VWA3B: variants seen among roughly 807,000 people sequenced by gnomAD.
The protein encoded by VWA3B is von Willebrand factor A domain containing 3B, also known as von Willebrand factor A domain-containing protein 3B.
In VWA3B, 138 loss-of-function variants were observed where a neutral mutation model predicts 158.3. The observed-to-expected ratio is 0.87, with a 90% confidence interval of 0.76 to 1.00. The LOEUF (loss-of-function observed/expected upper bound fraction) is 1.00, where lower values mean the gene tolerates loss of function less well. VWA3B is among the 50% of genes least tolerant of loss of function. VWA3B has a pLI of 0.00. For missense variants in VWA3B, 1,555 were observed against 1,565.1 expected, an observed-to-expected ratio of 0.99 and a Z score of 0.11; for synonymous variants, 596 against 587.3, an observed-to-expected ratio of 1.01 and a Z score of -0.21.
the VWA3B span, among the ~76,000 whole-genome samples, chr2:98,323,326 G>T: frequency 1.3e-5 from 2 of 151,810 alleles, no homozygotes; most frequent in African/African-American, 4.8e-5. Flanking sequence ...AAATGGAAAA[G>T]GCAGAAGAAT....
rs574018882 is a variant in VWA3B at position 98,178,140 on chromosome 2, G to A, written c.1115-2876G>A. Among the ~76,000 whole-genome samples the A allele has an allele frequency of 6.6e-5, 10 of 152,300 alleles. No individual in the cohort carries two copies. The South Asian group carries it at 2.1e-3, about 32-fold the overall frequency. ...CATCCTCTTTTTGCTGCTTCTTTGT[G>A]ATGGGAGAGAGTGTGCAGGCGAACC... On this transcript the variant is annotated intron_variant, in intron 8 of 27. Coordinates refer to ENST00000477737, the MANE Select transcript of VWA3B (RefSeq NM_144992.5).
chr2:98,145,150 C>T (rs1293872040), intron 7 of VWA3B, among the ~76,000 whole-genome samples: 1 of 152,196 alleles, frequency 6.6e-6, no homozygotes, highest in Non-Finnish European at 1.5e-5. Context: ...GGTCGATTTT[C>T]CCTGGCCTAC....
chr2:98,150,352 C>T (rs1169557010), intron 7 of VWA3B, among the ~76,000 whole-genome samples: 3 of 152,314 alleles, frequency 2.0e-5, no homozygotes, highest in African/African-American at 7.2e-5. Context: ...ACAACGTGAG[C>T]CGCTTAGGTG....
chr2:98,108,413 G>C (rs537623417), intron 2 of VWA3B, among the ~76,000 whole-genome samples: 1 of 152,208 alleles, frequency 6.6e-6, no homozygotes, highest in African/African-American at 2.4e-5. Context: ...TGATTTTCTT[G>C]TTCTTGTTCT....
intron 19 of VWA3B, among the ~76,000 whole-genome samples, chr2:98,245,061 CA>C (rs1373959420): frequency 6.6e-6 from 1 of 152,112 alleles, no homozygotes; most frequent in Non-Finnish European, 1.5e-5. Flanking sequence ...TTATTCATAT[CA>C]ATTTGATAAG....
intron 21 of VWA3B, among the ~76,000 whole-genome samples, chr2:98,260,319 A>T (rs1026968629): frequency 6.6e-6 from 1 of 151,672 alleles, no homozygotes; most frequent in African/African-American, 2.4e-5. Flanking sequence ...TGAGGCGTTG[A>T]AGTCTCCAAC....
At chr2:98,287,847 T>C (rs192633853) in intron 22 of VWA3B, among the ~76,000 whole-genome samples, 1 of 152,322 alleles carries the variant, frequency 6.6e-6, no homozygotes. Context: ...GTTCTTCCAA[T>C]TGGATACATT....
Position 98,128,444 on chromosome 2 carries a change from G to A in VWA3B, c.872+36G>A, listed in dbSNP as rs141481480. ...AATGTGCTCTTGAGTGACAGCAAGC[G>A]GGTTGCCTGCTCACACAGGATCAAC... is the stretch of plus-strand genomic sequence containing the variant. On this transcript the variant is annotated intron_variant, in intron 6 of 27. Transcript: ENST00000477737. 20 of 1,602,328 alleles carry A rather than the reference G, an allele frequency of 1.2e-5. 1 individual carries two copies. The highest frequency in any genetic ancestry group is 1.2e-4 in the South Asian group (11 of 90,528).
intron 22 of VWA3B, among the ~76,000 whole-genome samples, chr2:98,289,247 C>A (rs1689347780): frequency 6.6e-6 from 1 of 152,104 alleles, no homozygotes; most frequent in African/African-American, 2.4e-5. Flanking sequence ...GCATATATTT[C>A]CAAGATTTCT....
downstream of VWA3B, among the ~76,000 whole-genome samples, chr2:98,317,593 C>T (rs1356107348): frequency 6.6e-6 from 1 of 152,206 alleles, no homozygotes; most frequent in Admixed American, 6.5e-5. Flanking sequence ...CATTCCCTTC[C>T]CTTGATAATA....
chr2:98,115,835 T>G (rs1369304900), intron 3 of VWA3B, 89 bp downstream of exon 3: 8 of 1,088,872 alleles, frequency 7.3e-6, no homozygotes, highest in Admixed American at 1.9e-5. Flanking sequence ...CTTGTGCTGC[T>G]TGGCAGGGAT....
the VWA3B span, among the ~76,000 whole-genome samples, chr2:98,329,822 T>G: frequency 6.6e-6 from 1 of 152,314 alleles, no homozygotes; most frequent in South Asian, 2.1e-4. Context: ...GTGTCCTTTA[T>G]GAAGAAGAAA....
At chr2:98,194,784 T>C (rs943173386) in intron 12 of VWA3B, among the ~76,000 whole-genome samples, 1 of 151,560 alleles carries the variant, frequency 6.6e-6, no homozygotes, top group African/African-American at 2.4e-5. Flanking sequence ...AAAACAGAGT[T>C]TTTTTTTTGT....
intron 7 of VWA3B, among the ~76,000 whole-genome samples, chr2:98,135,374 C>T (rs1347901490): frequency 2.5e-5 from 3 of 120,728 alleles, no homozygotes; most frequent in Non-Finnish European, 3.2e-5. Flanking sequence ...CTCGCTCTGT[C>T]GCCCAGGCTG....
chr2:98,094,875 C>T (rs298914), intron 2 of VWA3B, among the ~76,000 whole-genome samples: 93,189 of 152,080 alleles, frequency 0.61, 31,192 homozygotes, highest in African/African-American at 0.89. Context: ...ATTGAAGAGA[C>T]TGTCCTTTCC....
At position 98,248,867 on chromosome 2, in the gene VWA3B, C is replaced by CTTTCTTTCTTTCT. The variant is rs200855323; in HGVS notation, c.2674-1448_2674-1436dup. ...TCTTTCTTTCTTTCTTTCTTTCTTT[C>CTTTCTTTCTTTCT]TTTCTTTCTTTCTTTCTCTCTTTCC... On this transcript the variant is annotated intron_variant, in intron 19 of 27. Transcript: ENST00000477737. 1.1e-3 allele frequency among the ~76,000 whole-genome samples: 82 copies of CTTTCTTTCTTTCT among 75,098 alleles called. 2 individuals carry two copies. The highest frequency in any genetic ancestry group is 4.2e-3 in the African/African-American group (76 of 18,010). The allele number at this position is 75,098 out of a possible 152,430, so 49.3% of individuals were successfully genotyped here.
At chr2:98,219,960 C>T (rs1018412409) in intron 14 of VWA3B, among the ~76,000 whole-genome samples, 1 of 151,912 alleles carries the variant, frequency 6.6e-6, no homozygotes, top group African/African-American at 2.4e-5. Context: ...CTCAGGAATT[C>T]AAGACCAGCC....
chr2:98,125,496 A>G lies in VWA3B; in HGVS notation c.703-2743A>G, dbSNP rs1291418247. Among the ~76,000 whole-genome samples the G allele has an allele frequency of 1.3e-5, 2 of 152,242 alleles. No individual in the cohort carries two copies. Among genetic ancestry groups the G allele is most frequent in the African/African-American group, 2.4e-5 (1 of 41,462 alleles). Reference sequence around the variant, plus strand: ...CAGTTTCTTCATCTGTAAACTGGGCATGGTAATAATTCATGCTCCACAGGA... The same window carrying G: ...CAGTTTCTTCATCTGTAAACTGGGCGTGGTAATAATTCATGCTCCACAGGA... On this transcript the variant is annotated intron_variant, in intron 5 of 27. Transcript: ENST00000477737. This position sits in a 1 kb window ranked among gnomAD's most constrained non-coding sequence, Gnocchi z 4.1.
chr2:98,309,562 T>C (rs1330000094), intron 26 of VWA3B, among the ~76,000 whole-genome samples: 2 of 152,212 alleles, frequency 1.3e-5, no homozygotes, highest in African/African-American at 4.8e-5. Flanking sequence ...CATGAAGCCA[T>C]TGGATTTGGG....
Sources: allele counts gnomAD v4.1 joint callset (sites outside exome capture counted in the v4.1 genomes callset), GRCh38; gene constraint gnomAD v4.1.1; non-coding constraint Gnocchi (gnomAD v3.1); transcripts MANE v1.5; gene names NCBI Gene and HGNC (gene_info 2026-07-23, HGNC 2026-07-21).